Variants in MID1 observed in about 807,000 individuals in gnomAD.
MID1 encodes midline 1, also known as E3 ubiquitin-protein ligase Midline-1.
A neutral mutation model predicts 40.4 loss-of-function variants in MID1; 7 were observed. That is an observed-to-expected ratio of 0.17 (90% confidence interval 0.10 to 0.33). MID1 has a LOEUF of 0.33. MID1 is among the 10% of genes least tolerant of loss of function. MID1 has a pLI of 1.00. For synonymous variants in MID1, 229 were observed against 221.2 expected, an observed-to-expected ratio of 1.04 and a Z score of -0.31; for missense variants, 367 against 558.5, an observed-to-expected ratio of 0.66 and a Z score of 3.46.
At chrX:10,454,825 A>G in intron 9 of MID1, 45 bp downstream of exon 9, 1 of 1,055,267 alleles carries the variant, frequency 9.5e-7, no homozygotes, top group East Asian at 3.0e-5. Context: ...ACAGAATGAG[A>G]TGTGCCTTTT....
chrX:10,621,348 T>C (rs890963681), upstream of MID1, among the ~76,000 whole-genome samples: 12 of 112,056 alleles, frequency 1.1e-4, no homozygotes, highest in African/African-American at 3.9e-4. Flanking sequence ...GAGAAGTAGT[T>C]GGCTTCTTAG....
At chrX:10,733,307 T>C (rs2043464694) in intron 1 of MID1, among the ~76,000 whole-genome samples, 1 of 112,216 alleles carries the variant, frequency 8.9e-6, no homozygotes, top group African/African-American at 3.2e-5. Flanking sequence ...CAGTCATTAA[T>C]TTGAGATAGA....
At chrX:10,571,425 A>T (rs1285439202) in intron 1 of MID1, among the ~76,000 whole-genome samples, 1 of 110,321 alleles carries the variant, frequency 9.1e-6, no homozygotes, top group East Asian at 2.8e-4. Flanking sequence ...AAAGAAACTT[A>T]GTATGGTTTA....
At chrX:10,695,031 G>A (rs2043153762) in intron 1 of MID1, among the ~76,000 whole-genome samples, 1 of 112,103 alleles carries the variant, frequency 8.9e-6, no homozygotes, top group Non-Finnish European at 1.9e-5. Context: ...TATAGAGTAG[G>A]TAAATGATTA....
intron 2 of MID1, among the ~76,000 whole-genome samples, chrX:10,532,388 T>G (rs983396313): frequency 9.0e-6 from 1 of 111,416 alleles, no homozygotes; most frequent in African/African-American, 3.3e-5. Context: ...CAGGTCAAAT[T>G]TGTAGACTAC....
intron 1 of MID1, among the ~76,000 whole-genome samples, chrX:10,784,688 C>T (rs187871276): frequency 9.1e-6 from 1 of 110,193 alleles, no homozygotes; most frequent in Admixed American, 9.7e-5. Flanking sequence ...TCTGGTAATC[C>T]GCCTGCCTCG....
intron 4 of MID1, among the ~76,000 whole-genome samples, chrX:10,491,942 G>A (rs1438134316): frequency 8.9e-6 from 1 of 111,893 alleles, no homozygotes; most frequent in African/African-American, 3.2e-5. Context: ...TCACTCAGAC[G>A]TAAAAGAATG....
chrX:10,489,088 G>T (rs1003286061), intron 4 of MID1, among the ~76,000 whole-genome samples: 8 of 111,564 alleles, frequency 7.2e-5, no homozygotes, highest in African/African-American at 2.6e-4. Context: ...TGAAAGGCTT[G>T]TTTTCTTATT....
At chrX:10,595,125 A>G (rs1488228610) in intron 1 of MID1, among the ~76,000 whole-genome samples, 1 of 111,847 alleles carries the variant, frequency 8.9e-6, no homozygotes, top group African/African-American at 3.3e-5. Flanking sequence ...CACAGAGTTA[A>G]AGCATCTTCT....
rs1359043782 is a variant in MID1, at chrX:10,445,834, C to G, written c.*3534G>C. On this transcript the variant is annotated 3_prime_UTR_variant, in exon 10 of 10. Transcript: ENST00000317552. Reference sequence around the variant, plus strand: ...AATATTTTTAAAGGTGATGGAGCCACTGGAGTGTAGGTGAATTGGTGCCCC... The same window carrying G: ...AATATTTTTAAAGGTGATGGAGCCAGTGGAGTGTAGGTGAATTGGTGCCCC... 8.9e-6 allele frequency: 1 copy of G among 111,786 alleles called. No individual in the cohort carries two copies. The highest frequency in any genetic ancestry group is 1.9e-5 in the Non-Finnish European group (1 of 53,214). The allele number at this position is 111,786 out of a possible 1,213,427, so 9.2% of individuals were successfully genotyped here. A position where few individuals can be genotyped will look rare whatever the true frequency, so the allele number is the denominator to read the frequency against.
chrX:10,559,093 T>C (rs1465377217), intron 2 of MID1, among the ~76,000 whole-genome samples: 2 of 112,246 alleles, frequency 1.8e-5, no homozygotes, highest in Non-Finnish European at 3.8e-5. Context: ...ATCATAAATA[T>C]CCTTGTACCA....
chrX:10,636,795 T>G lies in MID1; in HGVS notation c.-186-16376A>C, dbSNP rs902116949. On this transcript the variant is annotated intron_variant, in intron 1 of 10. Coordinates refer to the MID1 transcript ENST00000380785. ...CATTCCAACAATGGGGATATATATA[T>G]ATATATATATATATATATATATACA... 5.5e-3 allele frequency among the ~76,000 whole-genome samples: 461 copies of G among 83,880 alleles called. 7 individuals are homozygous for G. The highest frequency in any genetic ancestry group is 7.3e-3 in the Non-Finnish European group (316 of 43,342). 72.8% of individuals were successfully genotyped at this position (83,880 alleles called of 115,157 possible).
intron 1 of MID1, among the ~76,000 whole-genome samples, chrX:10,681,025 CAATAAT>C (rs56941761): frequency 0.075 from 6,195 of 82,460 alleles, 311 homozygotes; most frequent in African/African-American, 0.14. Context: ...GACCCTGTCT[CAATAAT>C]AATAATAATA....
chrX:10,474,516 T>C, intron 6 of MID1, 107 bp downstream of exon 6: 2 of 832,137 alleles, frequency 2.4e-6, no homozygotes, highest in Non-Finnish European at 1.8e-6. Context: ...GTGCCATTCC[T>C]AGGTCAAAAG....
chrX:10,687,820 C>A (rs188731766), intron 1 of MID1, among the ~76,000 whole-genome samples: 35 of 111,413 alleles, frequency 3.1e-4, no homozygotes, highest in African/African-American at 1.0e-3. Context: ...CTCAAGCAAT[C>A]CTCTCACCTC....
At chrX:10,743,825 C>T (rs757811700) in intron 1 of MID1, among the ~76,000 whole-genome samples, 2 of 112,089 alleles carry the variant, frequency 1.8e-5, no homozygotes, top group South Asian at 7.4e-4. Context: ...ATAAATCACA[C>T]ATGCTTTGCA....
intron 1 of MID1, among the ~76,000 whole-genome samples, chrX:10,810,990 CT>C (rs2044095788): frequency 9.0e-6 from 1 of 110,832 alleles, no homozygotes; most frequent in Non-Finnish European, 1.9e-5. Flanking sequence ...TATGGTCCCC[CT>C]ATCAGTAGAA....
intron 7 of MID1, among the ~76,000 whole-genome samples, chrX:10,464,317 C>T (rs1292445741): frequency 2.7e-5 from 3 of 111,819 alleles, no homozygotes; most frequent in Non-Finnish European, 3.8e-5. Context: ...GTATTATTTT[C>T]GATGCAAATA....
rs766054095 is a variant in MID1, at chrX:10,601,443, T to C, written c.-57+18847A>G. 1.3e-4 allele frequency among the ~76,000 whole-genome samples: 15 copies of C among 112,830 alleles called. No homozygotes were observed. In the South Asian group the frequency reaches 5.4e-3, roughly 41 times the overall value. On this transcript the variant is annotated intron_variant, in intron 1 of 9. Transcript: ENST00000317552. The stretch of plus-strand genomic sequence containing the variant: ...TGTGAAATTCAAATTTCAGTGTCTA[T>C]AAATAAAGTTTTTTTGGAACACAGT...
Sources: allele counts gnomAD v4.1 joint callset (sites outside exome capture counted in the v4.1 genomes callset), GRCh38; gene constraint gnomAD v4.1.1; transcripts MANE v1.5; gene names NCBI Gene and HGNC (gene_info 2026-07-23, HGNC 2026-07-21).